The following EVA1A variants were observed in gnomAD, a reference collection of about 807,000 sequenced individuals.
EVA1A encodes protein eva-1 homolog A.
Under a neutral mutation model 9.8 loss-of-function variants are expected in EVA1A, and 7 were observed. The ratio of observed to expected loss-of-function variants is 0.71; its 90% CI spans 0.41 to 1.34. The LOEUF is 1.34. EVA1A is among the 40% of genes most tolerant of loss of function. EVA1A has a pLI of 0.01. For synonymous variants in EVA1A, 90 were observed against 85.6 expected (o/e 1.05, Z -0.28); for missense variants, 206 against 205.9 (o/e 1.00, Z 0.00).
At chr2:75,566,905 A>G (rs1276966719) in intron 1 of EVA1A, among the ~76,000 whole-genome samples, 1 of 151,920 alleles carries the variant, frequency 6.6e-6, no homozygotes, top group Non-Finnish European at 1.5e-5. Context: ...CCTCTTCTAC[A>G]TTTTTCATCT....
intron 1 of EVA1A, among the ~76,000 whole-genome samples, chr2:75,545,378 G>C (rs192057293): frequency 2.9e-4 from 44 of 152,306 alleles, no homozygotes; most frequent in African/African-American, 9.9e-4. Flanking sequence ...GAAACTTTGG[G>C]ACTGGAGAAA....
chr2:75,530,278 A>G (rs1675597712), intron 1 of EVA1A, among the ~76,000 whole-genome samples: 1 of 152,214 alleles, frequency 6.6e-6, no homozygotes, highest in Non-Finnish European at 1.5e-5. Context: ...AATAAAAAAA[A>G]AAATCCAGGA....
In EVA1A at chr2:75,503,383, C is replaced by A. The variant is rs544547243; in HGVS notation, c.86-9774G>T. Reference sequence around the variant, plus strand: ...GGGAGGGCTATTGTCAGTTGTTTTCCCTTAATAAATAAAAATAAATGTATT... The same window carrying A: ...GGGAGGGCTATTGTCAGTTGTTTTCACTTAATAAATAAAAATAAATGTATT... On this transcript the variant is annotated intron_variant, in intron 3 of 3. Transcript: ENST00000393913. Among the ~76,000 whole-genome samples, 5 of 152,280 alleles carry A rather than the reference C, an allele frequency of 3.3e-5. No individual in the cohort carries two copies. The East Asian group carries it at 9.6e-4, about 29-fold the overall frequency.
chr2:75,549,002 ATATATAT>A (rs1427756039), intron 1 of EVA1A, among the ~76,000 whole-genome samples: 4 of 93,978 alleles, frequency 4.3e-5, no homozygotes, highest in African/African-American at 2.1e-4. Context: ...ATATATATAT[ATATATAT>A]TTTTTTTTTT....
At chr2:75,561,507 T>G (rs551654797), upstream of EVA1A, among the ~76,000 whole-genome samples, 5 of 152,238 alleles carry the variant, frequency 3.3e-5, no homozygotes, top group East Asian at 7.7e-4. Context: ...GGGTTTTGTT[T>G]GTTAAAATCA....
intron 3 of EVA1A, among the ~76,000 whole-genome samples, chr2:75,506,175 T>A (rs1421691217): frequency 1.3e-5 from 2 of 152,206 alleles, no homozygotes; most frequent in African/African-American, 4.8e-5. Flanking sequence ...ATATTTAGGT[T>A]GTTATGAGGA....
At chr2:75,524,871 T>C (rs1397864280) in intron 1 of EVA1A, among the ~76,000 whole-genome samples, 2 of 152,154 alleles carry the variant, frequency 1.3e-5, no homozygotes, top group Admixed American at 1.3e-4. Context: ...TTCTGGCTGA[T>C]CTCCATCTCT....
At chr2:75,527,026 C>G (rs754797401) in intron 1 of EVA1A, among the ~76,000 whole-genome samples, 20 of 152,170 alleles carry the variant, frequency 1.3e-4, no homozygotes, top group Admixed American at 3.3e-4. Context: ...AAACCCAACA[C>G]AACTGGTGCA....
chr2:75,493,024 C>G lies in EVA1A; in HGVS notation c.*212G>C, dbSNP rs1674083331. ...GGATTTTTCAGCACCATTCCGAGAC[C>G]TGGAAAGGGTGATGAACTGCTTTGA... On this transcript the variant is annotated 3_prime_UTR_variant, in exon 4 of 4. Coordinates refer to ENST00000393913, the MANE Select transcript of EVA1A (RefSeq NM_001135032.2). 1.2e-5 allele frequency: 8 copies of G among 657,118 alleles called. No homozygotes were observed. Among genetic ancestry groups the G allele is most frequent in the South Asian group, 4.3e-5 (2 of 46,452 alleles). The allele number at this position is 657,118 out of a possible 1,614,324, so 40.7% of individuals were successfully genotyped here.
At chr2:75,506,574 C>T (rs1674627815) in intron 3 of EVA1A, among the ~76,000 whole-genome samples, 2 of 152,208 alleles carry the variant, frequency 1.3e-5, no homozygotes, top group Non-Finnish European at 2.9e-5. Flanking sequence ...TTTATGTACT[C>T]TGCTGCATGC....
At chr2:75,519,803 A>G (rs1318565364) in intron 2 of EVA1A, among the ~76,000 whole-genome samples, 1 of 151,824 alleles carries the variant, frequency 6.6e-6, no homozygotes, top group Non-Finnish European at 1.5e-5. Flanking sequence ...TGTGTATTTC[A>G]AAACCATTCC....
At chr2:75,531,820 T>G (rs1255591612) in intron 1 of EVA1A, among the ~76,000 whole-genome samples, 1 of 152,132 alleles carries the variant, frequency 6.6e-6, no homozygotes, top group Non-Finnish European at 1.5e-5. Flanking sequence ...ATACACTGCT[T>G]GGGTGATACT....
chr2:75,566,708 T>G (rs1002669769), intron 1 of EVA1A, among the ~76,000 whole-genome samples: 6 of 152,328 alleles, frequency 3.9e-5, no homozygotes, highest in Non-Finnish European at 8.8e-5. Flanking sequence ...CTTGGGGCAA[T>G]AGAGTAGAAA....
intron 3 of EVA1A, among the ~76,000 whole-genome samples, chr2:75,499,243 C>T (rs1007075316): frequency 5.3e-5 from 8 of 152,116 alleles, no homozygotes; most frequent in Non-Finnish European, 1.0e-4. Flanking sequence ...AGTTAAATGA[C>T]CTTGAGCCAA....
intron 3 of EVA1A, among the ~76,000 whole-genome samples, chr2:75,504,272 G>A (rs1177841343): frequency 3.3e-5 from 5 of 151,996 alleles, no homozygotes; most frequent in South Asian, 2.1e-4. Flanking sequence ...TTAGCTGGGC[G>A]TGGTGGTGGG....
intron 1 of EVA1A, among the ~76,000 whole-genome samples, chr2:75,556,727 G>A (rs1676724099): frequency 6.6e-6 from 1 of 152,156 alleles, no homozygotes; most frequent in African/African-American, 2.4e-5. Flanking sequence ...GATAGGGGGA[G>A]ATGGTTTCAG....
At chr2:75,567,473 C>T (rs528833501) in intron 1 of EVA1A, among the ~76,000 whole-genome samples, 1 of 152,242 alleles carries the variant, frequency 6.6e-6, no homozygotes, top group East Asian at 1.9e-4. Flanking sequence ...AAGTTGTCAA[C>T]CTGAGAAATT....
intron 1 of EVA1A, among the ~76,000 whole-genome samples, chr2:75,548,408 T>C (rs1250533452): frequency 6.6e-6 from 1 of 152,178 alleles, no homozygotes; most frequent in Non-Finnish European, 1.5e-5. Flanking sequence ...GTGCTGAGAT[T>C]ATAGGTGTGA....
At chr2:75,526,960 G>A (rs1277658456) in intron 1 of EVA1A, among the ~76,000 whole-genome samples, 13 of 152,128 alleles carry the variant, frequency 8.5e-5, no homozygotes, top group Non-Finnish European at 4.4e-5. Context: ...CCAGGTAAAG[G>A]ATAATGCACA....
Sources: allele counts gnomAD v4.1 joint callset (sites outside exome capture counted in the v4.1 genomes callset), GRCh38; gene constraint gnomAD v4.1.1; transcripts MANE v1.5; gene names NCBI Gene and HGNC (gene_info 2026-07-23, HGNC 2026-07-21).